Variants in OLFM3 observed in about 807,000 individuals in gnomAD.
OLFM3 encodes the protein noelin-3.
In OLFM3, 20 loss-of-function variants were observed where a neutral mutation model predicts 48.6. That is an observed-to-expected ratio of 0.41 (90% CI 0.29 to 0.60). The LOEUF (loss-of-function observed/expected upper bound fraction) is 0.60, where lower values mean the gene tolerates loss of function less well. Ranked by LOEUF, OLFM3 falls within the 20% of genes least tolerant of loss-of-function variation. The pLI is 0.28. For missense variants in OLFM3, 437 were observed against 544.3 expected (o/e 0.80, Z 1.96); for synonymous variants, 222 against 198.1 (o/e 1.12, Z -1.01).
In OLFM3 at chr1:101,895,116, A is replaced by G. The variant is rs551431066; in HGVS notation, c.70-58091T>C. On this transcript the variant is annotated intron_variant, in intron 1 of 5. Coordinates refer to ENST00000370103, the MANE Select transcript of OLFM3 (RefSeq NM_058170.4). ...TTAGGTTTAACATCTTTATTTTTAA[A>G]CCCTTTCTAAGAGTAATTATGCCCT... Among the ~76,000 whole-genome samples, 3 of 152,044 alleles carry G rather than the reference A, an allele frequency of 2.0e-5. No homozygotes were observed. The East Asian group carries it at 5.8e-4, about 29-fold the overall frequency.
At chr1:101,936,277 CAA>C (rs1659614285) in intron 1 of OLFM3, among the ~76,000 whole-genome samples, 1 of 152,108 alleles carries the variant, frequency 6.6e-6, no homozygotes, top group African/African-American at 2.4e-5. Context: ...TTTCAGGATA[CAA>C]AATCAATGTA....
intron 3 of OLFM3, among the ~76,000 whole-genome samples, chr1:101,830,402 A>C (rs2100910611): frequency 6.6e-6 from 1 of 152,310 alleles, no homozygotes; most frequent in South Asian, 2.1e-4. Context: ...AACATTTATA[A>C]TTTAATTATT....
intron 1 of OLFM3, among the ~76,000 whole-genome samples, chr1:101,877,636 G>A (rs1387199045): frequency 6.6e-6 from 1 of 151,522 alleles, no homozygotes; most frequent in African/African-American, 2.4e-5. Context: ...CCTACTTTGG[G>A]CTTTTAGTGT....
At chr1:101,984,595 T>A (rs1661186260) in intron 1 of OLFM3, among the ~76,000 whole-genome samples, 1 of 152,204 alleles carries the variant, frequency 6.6e-6, no homozygotes, top group Non-Finnish European at 1.5e-5. Context: ...AGACGGGGTT[T>A]CACCATGTTG....
intron 1 of OLFM3, among the ~76,000 whole-genome samples, chr1:101,903,891 G>C (rs17472786): frequency 0.049 from 7,496 of 152,024 alleles, 262 homozygotes; most frequent in Non-Finnish European, 0.075. Flanking sequence ...TTAAATGACT[G>C]ATTACAATAA....
Position 101,803,728 on chromosome 1 carries a change from GA to G in OLFM3, c.*509del, listed in dbSNP as rs1456838797. On this transcript the variant is annotated 3_prime_UTR_variant, in exon 6 of 6. Coordinates refer to ENST00000370103, the MANE Select transcript of OLFM3 (RefSeq NM_058170.4). Reference sequence around the variant, plus strand: ...AATGACTGTACAGCACCGCATCAGAGAATTGTGTTAACAGCAAAATGATTAA... The same window carrying G: ...AATGACTGTACAGCACCGCATCAGAGATTGTGTTAACAGCAAAATGATTAA... 1 of 152,472 alleles carries G rather than the reference GA, an allele frequency of 6.6e-6. No individual in the cohort carries two copies. The highest frequency in any genetic ancestry group is 1.5e-5 in the Non-Finnish European group (1 of 68,070). 9.4% of individuals were successfully genotyped at this position (152,472 alleles called of 1,614,324 possible).
intron 1 of OLFM3, among the ~76,000 whole-genome samples, chr1:101,934,214 A>G (rs893314087): frequency 2.0e-5 from 3 of 152,230 alleles, no homozygotes; most frequent in Non-Finnish European, 2.9e-5. Flanking sequence ...GCTGTCTTCA[A>G]GAGACACATC....
chr1:101,846,905 G>T (rs758019756), intron 1 of OLFM3: 1 of 1,612,746 alleles, frequency 6.2e-7, no homozygotes, highest in Non-Finnish European at 8.5e-7. Context: ...GGAGAGTTTG[G>T]GACATCCAGT....
chr1:101,984,367 C>G (rs951920110), intron 1 of OLFM3, among the ~76,000 whole-genome samples: 2 of 151,078 alleles, frequency 1.3e-5, no homozygotes, highest in South Asian at 4.2e-4. Flanking sequence ...AAAACCTAAA[C>G]TTATCATGTA....
intron 4 of OLFM3, among the ~76,000 whole-genome samples, chr1:101,822,003 A>G (rs1475738143): frequency 6.6e-6 from 1 of 152,144 alleles, no homozygotes; most frequent in Non-Finnish European, 1.5e-5. Flanking sequence ...GATATTAAGG[A>G]TCAAGTCCTA....
chr1:101,933,763 C>A (rs913310168), intron 1 of OLFM3, among the ~76,000 whole-genome samples: 1 of 152,048 alleles, frequency 6.6e-6, no homozygotes, highest in East Asian at 1.9e-4. Flanking sequence ...AACAGTGGAA[C>A]TTTCAACAGA....
At chr1:101,981,231 G>T (rs2101109035) in intron 1 of OLFM3, among the ~76,000 whole-genome samples, 1 of 151,830 alleles carries the variant, frequency 6.6e-6, no homozygotes. Flanking sequence ...ATTTCACCGA[G>T]AAAATGAAAG....
chr1:101,829,335 C>A (rs1361667012), intron 3 of OLFM3, among the ~76,000 whole-genome samples: 1 of 152,126 alleles, frequency 6.6e-6, no homozygotes, highest in Non-Finnish European at 1.5e-5. Flanking sequence ...ACTTAACCTG[C>A]TGGTTTTGTG....
At chr1:101,981,761 T>C (rs1661111805) in intron 1 of OLFM3, among the ~76,000 whole-genome samples, 1 of 152,222 alleles carries the variant, frequency 6.6e-6, no homozygotes, top group African/African-American at 2.4e-5. Flanking sequence ...TTGGGAATTA[T>C]TTCCCTGTTA....
intron 1 of OLFM3, among the ~76,000 whole-genome samples, chr1:101,934,832 T>A (rs1659561259): frequency 6.6e-6 from 1 of 151,816 alleles, no homozygotes; most frequent in Non-Finnish European, 1.5e-5. Context: ...ACTCATGCAA[T>A]TACAGGGAAA....
intron 1 of OLFM3, among the ~76,000 whole-genome samples, chr1:101,958,519 T>C (rs1187240172): frequency 6.6e-6 from 1 of 152,082 alleles, no homozygotes; most frequent in Non-Finnish European, 1.5e-5. Context: ...ATTGTAGATT[T>C]GGGGACTAGC....
chr1:101,813,092 T>C lies in OLFM3; in HGVS notation c.593-6910A>G, dbSNP rs1465141695. The C allele has an allele frequency of 2.3e-6, 3 of 1,289,874 alleles. No homozygotes were observed. In the Admixed American group the frequency reaches 6.9e-5, roughly 30 times the overall value. 79.9% of individuals were successfully genotyped at this position (1,289,874 alleles called of 1,614,324 possible). The stretch of plus-strand genomic sequence containing the variant: ...TATAGCTTCCCAAAATACTATTGCT[T>C]ATGCTTCTCCTTTCTGTTGCCTTTT... On this transcript the variant is annotated intron_variant, in intron 4 of 5. Coordinates refer to ENST00000370103, the MANE Select transcript of OLFM3 (RefSeq NM_058170.4).
At chr1:101,860,850 T>A (rs1243826623) in intron 1 of OLFM3, among the ~76,000 whole-genome samples, 3 of 152,018 alleles carry the variant, frequency 2.0e-5, no homozygotes, top group Admixed American at 6.5e-5. Context: ...CACATACTTT[T>A]GATAACTTTA....
At chr1:101,859,123 G>A (rs148210314) in intron 1 of OLFM3, among the ~76,000 whole-genome samples, 2 of 149,258 alleles carry the variant, frequency 1.3e-5, no homozygotes, top group African/African-American at 4.9e-5. Context: ...ATGCATGATA[G>A]GGGGAAGGAA....
Sources: gnomAD v4.1 joint callset for allele counts (sites outside exome capture counted in the v4.1 genomes callset) on GRCh38, gnomAD v4.1.1 for gene constraint, MANE v1.5 for transcripts, NCBI Gene and HGNC (gene_info 2026-07-23, HGNC 2026-07-21) for gene names.